The following HUWE1 variants were observed in gnomAD, a reference collection of about 807,000 sequenced individuals.
HUWE1 encodes the protein HECT, UBA and WWE domain containing E3 ubiquitin protein ligase 1.
In HUWE1, 18 loss-of-function variants were observed where a neutral mutation model predicts 299.4. That is an observed-to-expected ratio of 0.06 (90% CI 0.04 to 0.09). The LOEUF (loss-of-function observed/expected upper bound fraction) is 0.09. Among genes scored for constraint, HUWE1 ranks in the 10% least tolerant of loss-of-function variants. HUWE1 has a pLI of 1.00. For missense variants in HUWE1, 1,832 were observed against 3,462.3 expected, an observed-to-expected ratio of 0.53 and a Z score of 11.82; for synonymous variants, 1,317 against 1,286.1, an observed-to-expected ratio of 1.02 and a Z score of -0.51.
chrX:53,544,819 A>G, intron 71 of HUWE1, 57 bp from the exon 72 acceptor site: 2 of 1,006,231 alleles, frequency 2.0e-6, no homozygotes, highest in Non-Finnish European at 2.8e-6. Flanking sequence ...TAAACACCCA[A>G]AGCAAGCAAG....
chrX:53,645,587 T>C (rs2067919996), intron 6 of HUWE1, 124 bp from the exon 7 acceptor site: 4 of 699,806 alleles, frequency 5.7e-6, no homozygotes, highest in East Asian at 3.6e-5. Context: ...ATACAAAAAA[T>C]ATATAAGTAT....
At chrX:53,632,698 A>G (rs2066951484) in intron 8 of HUWE1, 134 bp from the exon 9 acceptor site, 1 of 511,280 alleles carries the variant, frequency 2.0e-6, no homozygotes, top group South Asian at 2.6e-5. Flanking sequence ...TACATTCAGT[A>G]CCTACAGTGC....
intron 72 of HUWE1, 51 bp downstream of exon 72, chrX:53,544,509 G>C (rs2061475716): frequency 9.6e-7 from 1 of 1,039,292 alleles, no homozygotes; most frequent in African/African-American, 1.8e-5. Flanking sequence ...CAAGGAATCT[G>C]GCTTTACCGC....
At chrX:53,550,861 TA>T in intron 65 of HUWE1, 39 bp downstream of exon 65, 1 of 1,207,985 alleles carries the variant, frequency 8.3e-7, no homozygotes, top group Non-Finnish European at 1.1e-6. Context: ...CTCATCTGGC[TA>T]AAGCTTTCCA....
intron 45 of HUWE1, 129 bp downstream of exon 45, chrX:53,575,514 G>GC: frequency 1.3e-6 from 1 of 767,335 alleles, no homozygotes; most frequent in Non-Finnish European, 1.9e-6. Context: ...GTCTTTACAG[G>GC]CAACAGATAA....
At chrX:53,583,041 A>C (rs1213157401) in intron 42 of HUWE1, among the ~76,000 whole-genome samples, 1 of 112,328 alleles carries the variant, frequency 8.9e-6, no homozygotes, top group East Asian at 2.8e-4. Flanking sequence ...ACTGGTTTGT[A>C]AGTTTCCTAA....
At position 53,533,037 on chromosome X, in the gene HUWE1, C is replaced by T. The variant is rs937161179; in HGVS notation, c.*272G>A. ...TTCAAACAGTTGGGACAGACAGGTCCCTGCAAAGGCTACTGCCTTTTTAAA... is the reference window on the plus strand; with the variant it reads ...TTCAAACAGTTGGGACAGACAGGTCTCTGCAAAGGCTACTGCCTTTTTAAA... On this transcript the variant is annotated 3_prime_UTR_variant, in exon 84 of 84. Transcript: ENST00000262854. 1 of 363,784 alleles carries T rather than the reference C, an allele frequency of 2.7e-6. No homozygotes were observed. The highest frequency in any genetic ancestry group is 2.5e-5 in the African/African-American group (1 of 39,243). 30.0% of individuals were successfully genotyped at this position (363,784 alleles called of 1,213,427 possible).
At chrX:53,535,672 G>C (rs2061009197) in intron 80 of HUWE1, among the ~76,000 whole-genome samples, 171 bp from the exon 81 acceptor site, 1 of 111,830 alleles carries the variant, frequency 8.9e-6, no homozygotes, top group Admixed American at 9.5e-5. Flanking sequence ...CCCTTATAGG[G>C]AAAGGCTTTG....
chrX:53,683,942 G>C (rs1015453293), intron 2 of HUWE1: 63 of 287,938 alleles, frequency 2.2e-4, no homozygotes, highest in Middle Eastern at 9.0e-4. Context: ...GGCTTAGAAC[G>C]GCACGAGCCG....
intron 19 of HUWE1, among the ~76,000 whole-genome samples, chrX:53,623,105 C>T (rs782531293): frequency 1.6e-3 from 176 of 110,963 alleles, no homozygotes; most frequent in African/African-American, 5.5e-3. Flanking sequence ...TGCCCGTGTC[C>T]CTCACTTCTG....
chrX:53,618,882 A>G (rs1277276204), intron 19 of HUWE1, among the ~76,000 whole-genome samples: 5 of 106,118 alleles, frequency 4.7e-5, no homozygotes, highest in African/African-American at 6.9e-5. Context: ...TAAAAGGGGA[A>G]AAAAAAAAAA....
chrX:53,556,136 C>A (rs1346058048), intron 60 of HUWE1: 1 of 338,337 alleles, frequency 3.0e-6, no homozygotes, highest in African/African-American at 2.6e-5. Flanking sequence ...CATCTGTCCC[C>A]TTCCATGTCT....
At chrX:53,534,495 G>C (rs782216316) in intron 82 of HUWE1, 21 bp downstream of exon 82, 2 of 1,191,190 alleles carry the variant, frequency 1.7e-6, no homozygotes, top group East Asian at 3.0e-5. Context: ...CATATGAGGA[G>C]GGATGCCAGC....
intron 3 of HUWE1, among the ~76,000 whole-genome samples, chrX:53,671,528 C>T (rs1421540305): frequency 2.7e-5 from 3 of 111,484 alleles, no homozygotes; most frequent in Non-Finnish European, 3.8e-5. Context: ...CAGTGGCTCA[C>T]GCCTGTAATC....
intron 52 of HUWE1, 130 bp from the exon 53 acceptor site, chrX:53,563,059 T>C: frequency 1.9e-6 from 1 of 529,702 alleles, no homozygotes; most frequent in Non-Finnish European, 3.3e-6. Flanking sequence ...AGACCTGGAT[T>C]GTCTGCTGTC....
chrX:53,585,351 C>CA (rs2063805605), intron 39 of HUWE1, among the ~76,000 whole-genome samples, 163 bp from the exon 40 acceptor site: 1 of 112,625 alleles, frequency 8.9e-6, no homozygotes, highest in Admixed American at 9.3e-5. Flanking sequence ...CATTTACTCT[C>CA]ACATTCCTTA....
chrX:53,567,042 T>C (rs1419968684), intron 49 of HUWE1, among the ~76,000 whole-genome samples: 1 of 112,256 alleles, frequency 8.9e-6, no homozygotes, highest in East Asian at 2.8e-4. Flanking sequence ...TATAAAATTG[T>C]ATAAATTTAG....
intron 2 of HUWE1, among the ~76,000 whole-genome samples, chrX:53,682,572 T>C (rs1304044525): frequency 9.0e-6 from 1 of 111,032 alleles, no homozygotes; most frequent in Non-Finnish European, 1.9e-5. Context: ...TGTTTTCTAG[T>C]AAATGGAAGG....
intron 7 of HUWE1, among the ~76,000 whole-genome samples, chrX:53,635,545 T>A (rs2067153592): frequency 8.9e-6 from 1 of 112,006 alleles, no homozygotes; most frequent in East Asian, 2.8e-4. Flanking sequence ...CTCAAATTCC[T>A]GGCCTCAAGT....
Sources: gnomAD v4.1 joint callset for allele counts (sites outside exome capture counted in the v4.1 genomes callset) on GRCh38, gnomAD v4.1.1 for gene constraint, MANE v1.5 for transcripts, NCBI Gene and HGNC (gene_info 2026-07-23, HGNC 2026-07-21) for gene names.